Variants in KCNIP4 observed in about 807,000 individuals in gnomAD.
The protein encoded by KCNIP4 is potassium voltage-gated channel interacting protein 4.
Under a neutral mutation model 34.0 loss-of-function variants are expected in KCNIP4, and 12 were observed. The ratio of observed to expected loss-of-function variants is 0.35; its 90% CI spans 0.23 to 0.57. The LOEUF is 0.57. Among genes scored for constraint, KCNIP4 ranks in the 20% least tolerant of loss-of-function variants. The pLI is 0.83. For missense variants in KCNIP4, 238 were observed against 311.7 expected (o/e 0.76, Z 1.78); for synonymous variants, 124 against 102.2 (o/e 1.21, Z -1.29).
At chr4:21,472,243 A>T (rs1730532285) in intron 1 of KCNIP4, among the ~76,000 whole-genome samples, 1 of 152,114 alleles carries the variant, frequency 6.6e-6, no homozygotes. Context: ...GGTGGAGCAG[A>T]TAAGAAGCAA....
chr4:20,979,964 G>C (rs1161059151), intron 1 of KCNIP4, among the ~76,000 whole-genome samples: 1 of 152,176 alleles, frequency 6.6e-6, no homozygotes, highest in East Asian at 1.9e-4. Flanking sequence ...TCTGTGCTTA[G>C]ATTCACAGCT....
At chr4:21,011,240 C>T (rs570021388) in intron 1 of KCNIP4, among the ~76,000 whole-genome samples, 12 of 152,128 alleles carry the variant, frequency 7.9e-5, no homozygotes, top group Admixed American at 1.3e-4. Context: ...CTGTTTCTAC[C>T]GTATTCACTT....
In KCNIP4 at chr4:21,290,712, T is replaced by C. The variant is rs557329115; in HGVS notation, c.62-408003A>G. Among the ~76,000 whole-genome samples the C allele has an allele frequency of 3.9e-4, 59 of 151,918 alleles. No homozygotes were observed. The South Asian group carries it at 0.012, about 31-fold the overall frequency. ...GCCAAGGAAGATGACACTGATTAGG[T>C]GAGAGAGGAAACCAAGCTTAGAAGG... On this transcript the variant is annotated intron_variant, in intron 1 of 8. Coordinates refer to ENST00000382152, the MANE Select transcript of KCNIP4 (RefSeq NM_025221.6).
chr4:21,747,403 T>C (rs940462175), intron 1 of KCNIP4, among the ~76,000 whole-genome samples: 1 of 152,186 alleles, frequency 6.6e-6, no homozygotes, highest in African/African-American at 2.4e-5. Context: ...CATGAGACAC[T>C]ACCTTTCTGC....
chr4:20,960,626 G>T (rs1380625071), intron 1 of KCNIP4, among the ~76,000 whole-genome samples: 1 of 152,182 alleles, frequency 6.6e-6, no homozygotes, highest in African/African-American at 2.4e-5. Context: ...TCCTGAGAAG[G>T]ACCCCATTTA....
At chr4:21,363,896 C>A (rs749535117) in intron 1 of KCNIP4, among the ~76,000 whole-genome samples, 1 of 152,072 alleles carries the variant, frequency 6.6e-6, no homozygotes, top group Non-Finnish European at 1.5e-5. Flanking sequence ...TTTTCCAAAT[C>A]AGAAAGTAAA....
At chr4:21,199,759 C>G (rs1756332533) in intron 1 of KCNIP4, among the ~76,000 whole-genome samples, 1 of 59,260 alleles carries the variant, frequency 1.7e-5, no homozygotes, top group Admixed American at 1.3e-4. Context: ...TATTGCAGCA[C>G]TACTCACAAT....
chr4:21,883,877 G>A (rs1726604978), intron 1 of KCNIP4, among the ~76,000 whole-genome samples: 1 of 152,140 alleles, frequency 6.6e-6, no homozygotes, highest in Middle Eastern at 3.4e-3. Context: ...GAATGGATAG[G>A]GTGACCAAAT....
At chr4:21,573,376 C>T (rs75043983) in intron 1 of KCNIP4, among the ~76,000 whole-genome samples, 3,123 of 152,138 alleles carry the variant, frequency 0.021, 123 homozygotes, top group African/African-American at 0.071. Context: ...TGTTTTCATG[C>T]TCCCCATTTT....
chr4:21,005,060 A>G (rs1330211230), intron 1 of KCNIP4, among the ~76,000 whole-genome samples: 3 of 152,202 alleles, frequency 2.0e-5, no homozygotes, highest in Admixed American at 6.5e-5. Flanking sequence ...GTGAATAGCA[A>G]AAGTATAGAC....
At chr4:21,509,580 CA>C (rs1476995370) in intron 1 of KCNIP4, among the ~76,000 whole-genome samples, 1 of 152,090 alleles carries the variant, frequency 6.6e-6, no homozygotes, top group Non-Finnish European at 1.5e-5. Context: ...TTAATATACC[CA>C]TTATAGATGA....
chr4:21,757,956 T>A (rs1367834700), intron 1 of KCNIP4, among the ~76,000 whole-genome samples: 1 of 152,176 alleles, frequency 6.6e-6, no homozygotes, highest in Non-Finnish European at 1.5e-5. Context: ...TGTGTCCTTA[T>A]GCAAGTAATT....
intron 1 of KCNIP4, among the ~76,000 whole-genome samples, chr4:21,409,000 C>CA (rs2109581111): frequency 6.6e-6 from 1 of 151,992 alleles, no homozygotes; most frequent in African/African-American, 2.4e-5. Flanking sequence ...TAAATGTGGC[C>CA]AATGAGACTG....
intron 1 of KCNIP4, among the ~76,000 whole-genome samples, chr4:21,644,565 A>G (rs1369093247): frequency 6.6e-6 from 1 of 152,156 alleles, no homozygotes; most frequent in Admixed American, 6.6e-5. Flanking sequence ...GTAAGTCCAT[A>G]TTCGAAGCTA....
chr4:20,837,677 TATA>T (rs1463647134), intron 3 of KCNIP4, among the ~76,000 whole-genome samples: 2 of 81,302 alleles, frequency 2.5e-5, no homozygotes, highest in East Asian at 7.4e-4. Context: ...TATATATATA[TATA>T]TATATATTTT....
chr4:20,834,029 G>T lies in KCNIP4; in HGVS notation c.288+16514C>A, dbSNP rs567063194. ...AGATCTCGGGATCCAAGAATACATAGCAGGTAGCTCAAGAGGGAATTTAGA... is the reference window on the plus strand; with the variant it reads ...AGATCTCGGGATCCAAGAATACATATCAGGTAGCTCAAGAGGGAATTTAGA... On this transcript the variant is annotated intron_variant, in intron 3 of 8. Coordinates refer to ENST00000382152, the MANE Select transcript of KCNIP4 (RefSeq NM_025221.6). Among the ~76,000 whole-genome samples, 20 of 152,320 alleles carry T rather than the reference G, an allele frequency of 1.3e-4. No individual in the cohort carries two copies. In the South Asian group the frequency reaches 4.1e-3, roughly 32 times the overall value.
chr4:21,285,979 A>G (rs973354152), intron 1 of KCNIP4, among the ~76,000 whole-genome samples: 2 of 152,262 alleles, frequency 1.3e-5, no homozygotes, highest in African/African-American at 2.4e-5. Flanking sequence ...GTGTATAAGA[A>G]ATGAGACAAA....
intron 1 of KCNIP4, among the ~76,000 whole-genome samples, chr4:21,809,007 G>C (rs1427931738): frequency 2.0e-5 from 3 of 152,126 alleles, no homozygotes; most frequent in African/African-American, 7.2e-5. Context: ...ATGATAAATT[G>C]CTCTGGATTT....
intron 1 of KCNIP4, among the ~76,000 whole-genome samples, chr4:21,870,940 C>G (rs1284927993): frequency 1.3e-5 from 2 of 151,818 alleles, no homozygotes; most frequent in Non-Finnish European, 2.9e-5. Context: ...TAATAGCTAA[C>G]TAAATTCAAA....
Sources: gnomAD v4.1 joint callset for allele counts (sites outside exome capture counted in the v4.1 genomes callset) on GRCh38, gnomAD v4.1.1 for gene constraint, MANE v1.5 for transcripts, NCBI Gene and HGNC (gene_info 2026-07-23, HGNC 2026-07-21) for gene names.